FAM163B: variants seen among roughly 807,000 people sequenced by gnomAD.
The protein encoded by FAM163B is family with sequence similarity 163 member B.
Under a neutral mutation model 7.6 loss-of-function variants are expected in FAM163B, and 4 were observed. The ratio of observed to expected loss-of-function variants is 0.52; its 90% CI spans 0.26 to 1.20. FAM163B has a LOEUF of 1.20. Among genes scored for constraint, FAM163B ranks in the 50% most tolerant of loss-of-function variants. FAM163B has a pLI of 0.14. For missense variants in FAM163B, 250 were observed against 243.0 expected, an observed-to-expected ratio of 1.03 and a Z score of -0.19; for synonymous variants, 120 against 111.6, an observed-to-expected ratio of 1.07 and a Z score of -0.47.
chr9:133,607,899 C>G (rs550640561), intron 1 of FAM163B, among the ~76,000 whole-genome samples: 44 of 152,310 alleles, frequency 2.9e-4, no homozygotes, highest in African/African-American at 1.0e-3. Flanking sequence ...CCAGCCCTTG[C>G]CCAGCCCAGG....
At chr9:133,588,667 G>GGGATCTAGCATGTCGAT (rs1339906179) in intron 1 of FAM163B, among the ~76,000 whole-genome samples, 11 of 16,250 alleles carry the variant, frequency 6.8e-4, no homozygotes, top group South Asian at 1.7e-3. Flanking sequence ...AGCATGCTGA[G>GGGATCTAGCATGTCGAT]GGATCTAGCA....
intron 1 of FAM163B, among the ~76,000 whole-genome samples, chr9:133,585,246 G>A (rs1006337616): frequency 2.0e-5 from 3 of 152,208 alleles, no homozygotes; most frequent in Non-Finnish European, 2.9e-5. Flanking sequence ...GAAACACCTG[G>A]CAGCAGAGCC....
chr9:133,599,222 C>T (rs1044017393), intron 1 of FAM163B, among the ~76,000 whole-genome samples: 2 of 152,162 alleles, frequency 1.3e-5, no homozygotes, highest in African/African-American at 4.8e-5. Flanking sequence ...TCCATCGACT[C>T]GGAACTGCCA....
chr9:133,605,648 T>A (rs990965197), intron 1 of FAM163B, among the ~76,000 whole-genome samples: 4 of 152,168 alleles, frequency 2.6e-5, no homozygotes, highest in Non-Finnish European at 4.4e-5. Flanking sequence ...GGATGATGGC[T>A]CTGACACTGA....
At chr9:133,580,076 A>G (rs1488627751) in intron 2 of FAM163B, 55 bp downstream of exon 2, 1 of 1,493,420 alleles carries the variant, frequency 6.7e-7, no homozygotes, top group African/African-American at 1.4e-5. Flanking sequence ...CTCCCGAGGT[A>G]GGGGCACCCT....
intron 1 of FAM163B, 94 bp from the exon 2 acceptor site, chr9:133,580,340 G>GA: frequency 3.0e-6 from 3 of 989,646 alleles, no homozygotes; most frequent in Middle Eastern, 2.1e-4. Flanking sequence ...AAGCTGAGGG[G>GA]AAAAAAGCAC....
chr9:133,578,250 A>G lies in FAM163B; in HGVS notation c.*772T>C, dbSNP rs1304207302. ...CTGTTTCTGGCTGAGCACTGGGTCT[A>G]TACATTTCCACGTTGCCTCTCCCAC... is the stretch of plus-strand genomic sequence containing the variant. On this transcript the variant is annotated 3_prime_UTR_variant, in exon 3 of 3. Transcript: ENST00000673969. Among the ~76,000 whole-genome samples the G allele has an allele frequency of 2.6e-5, 4 of 152,264 alleles. No homozygotes were observed. In the South Asian group the frequency reaches 6.2e-4, roughly 24 times the overall value.
At chr9:133,594,156 G>A (rs991037743) in intron 1 of FAM163B, among the ~76,000 whole-genome samples, 9 of 152,202 alleles carry the variant, frequency 5.9e-5, no homozygotes, top group South Asian at 2.1e-4. Context: ...CTGTGCTCTC[G>A]GAATAGTGCC....
At chr9:133,599,289 T>C (rs1466813516) in intron 1 of FAM163B, among the ~76,000 whole-genome samples, 3 of 152,130 alleles carry the variant, frequency 2.0e-5, no homozygotes, top group Admixed American at 6.5e-5. Context: ...CAGACGTGAC[T>C]TCAGGGAAGC....
chr9:133,578,769 C>A lies in FAM163B; in HGVS notation c.*253G>T. ...CTGAGAGCCCTGGTGCATGCCCAGCCGGCTGTATGGTCACCTGGTCCTTCT... is the reference window on the plus strand; with the variant it reads ...CTGAGAGCCCTGGTGCATGCCCAGCAGGCTGTATGGTCACCTGGTCCTTCT... On this transcript the variant is annotated 3_prime_UTR_variant, in exon 3 of 3. Transcript: ENST00000673969. 1.7e-6 allele frequency: 1 copy of A among 572,932 alleles called. No individual in the cohort carries two copies. Among genetic ancestry groups the A allele is most frequent in the Non-Finnish European group, 2.8e-6 (1 of 360,218 alleles). 35.5% of individuals were successfully genotyped at this position (572,932 alleles called of 1,614,324 possible). A position where few individuals can be genotyped will look rare whatever the true frequency, so the allele number is the denominator to read the frequency against.
chr9:133,588,617 G>A (rs1001799061), intron 1 of FAM163B, among the ~76,000 whole-genome samples: 12 of 143,734 alleles, frequency 8.3e-5, no homozygotes, highest in African/African-American at 1.1e-4. Context: ...GGATGCTGAA[G>A]GATCTAGCAT....
intron 1 of FAM163B, among the ~76,000 whole-genome samples, chr9:133,582,688 C>T (rs965025336): frequency 6.6e-6 from 1 of 152,234 alleles, no homozygotes; most frequent in Non-Finnish European, 1.5e-5. Context: ...GCTGTCCTTT[C>T]GGCCACAGTT....
chr9:133,584,056 C>G (rs1001333703), intron 1 of FAM163B, among the ~76,000 whole-genome samples: 1 of 152,128 alleles, frequency 6.6e-6, no homozygotes. Flanking sequence ...CATCCCCCCC[C>G]CGGACCTACC....
intron 1 of FAM163B, among the ~76,000 whole-genome samples, chr9:133,589,174 G>GT (rs1442926973): frequency 2.6e-5 from 4 of 152,114 alleles, no homozygotes; most frequent in Non-Finnish European, 4.4e-5. Context: ...TTCCTGAACC[G>GT]TAAGTCTGAA....
chr9:133,591,392 G>T (rs9657702), intron 1 of FAM163B, among the ~76,000 whole-genome samples: 16,155 of 152,194 alleles, frequency 0.11, 1,945 homozygotes, highest in African/African-American at 0.3. Context: ...TAACTGTGGC[G>T]GAGATGACAC....
chr9:133,590,052 C>CA (rs1564193338), intron 1 of FAM163B, among the ~76,000 whole-genome samples: 1 of 32,692 alleles, frequency 3.1e-5, no homozygotes, highest in Non-Finnish European at 7.8e-5. Flanking sequence ...CTTCCCTTCC[C>CA]TTCCCTTCCC....
intron 1 of FAM163B, among the ~76,000 whole-genome samples, chr9:133,604,033 G>A (rs574747931): frequency 2.6e-5 from 4 of 152,216 alleles, no homozygotes; most frequent in African/African-American, 9.6e-5. Context: ...TTAGAGATGG[G>A]GTTTCACCAT....
At chr9:133,595,294 T>C (rs1831613881) in intron 1 of FAM163B, among the ~76,000 whole-genome samples, 1 of 152,170 alleles carries the variant, frequency 6.6e-6, no homozygotes, top group Admixed American at 6.5e-5. Context: ...TACAGGTGCA[T>C]GCCAGCACAC....
intron 1 of FAM163B, among the ~76,000 whole-genome samples, chr9:133,582,789 C>T (rs1469876371): frequency 6.6e-6 from 1 of 152,228 alleles, no homozygotes; most frequent in Admixed American, 6.5e-5. Context: ...CTGGCCGGTC[C>T]CTGCTGGTCG....
Sources: allele counts gnomAD v4.1 joint callset (sites outside exome capture counted in the v4.1 genomes callset), GRCh38; gene constraint gnomAD v4.1.1; transcripts MANE v1.5; gene names NCBI Gene and HGNC (gene_info 2026-07-23, HGNC 2026-07-21).